NEMF: variants seen among roughly 807,000 people sequenced by gnomAD.
NEMF encodes nuclear export mediator factor.
In NEMF, 89 loss-of-function variants were observed where a neutral mutation model predicts 162.2. The observed-to-expected ratio is 0.55, with a 90% CI of 0.46 to 0.65. The LOEUF is 0.65. NEMF is among the 30% of genes least tolerant of loss of function. The pLI is 0.00. For synonymous variants in NEMF, 421 were observed against 404.5 expected (o/e 1.04, Z -0.49); for missense variants, 1,133 against 1,261.9 (o/e 0.90, Z 1.55).
intron 16 of NEMF, among the ~76,000 whole-genome samples, chr14:49,824,584 T>C (rs1316223516): frequency 2.0e-5 from 3 of 148,896 alleles, no homozygotes; most frequent in Non-Finnish European, 4.4e-5. Context: ...TATATTTTCA[T>C]AGAATTCTAT....
intron 25 of NEMF, among the ~76,000 whole-genome samples, chr14:49,798,917 A>C (rs1487489314): frequency 1.3e-5 from 2 of 151,750 alleles, no homozygotes; most frequent in East Asian, 1.9e-4. Flanking sequence ...AAAAAAAAAG[A>C]AAATGTTAAG....
chr14:49,803,532 T>C (rs957240337), intron 19 of NEMF, among the ~76,000 whole-genome samples: 2 of 151,494 alleles, frequency 1.3e-5, no homozygotes, highest in East Asian at 1.9e-4. Flanking sequence ...TTCTTTCTTT[T>C]TTTTTTTTTT....
chr14:49,824,500 C>A (rs959717042), intron 16 of NEMF, among the ~76,000 whole-genome samples: 1 of 142,236 alleles, frequency 7.0e-6, no homozygotes, highest in South Asian at 2.3e-4. Context: ...CCAAAGACTG[C>A]GCCACTGCAC....
chr14:49,796,091 A>G (rs1040339493), intron 25 of NEMF, 147 bp from the exon 26 acceptor site: 4 of 636,970 alleles, frequency 6.3e-6, no homozygotes, highest in Non-Finnish European at 1.1e-5. Flanking sequence ...AGAAAATACA[A>G]AGATGCTTAA....
intron 16 of NEMF, among the ~76,000 whole-genome samples, chr14:49,821,784 A>G (rs1259956333): frequency 3.3e-5 from 5 of 149,870 alleles, no homozygotes; most frequent in East Asian, 2.0e-4. Context: ...CCCTCTGCCC[A>G]GCCACCACCC....
chr14:49,805,842 C>G (rs1425673381), intron 19 of NEMF, among the ~76,000 whole-genome samples, 179 bp downstream of exon 19: 4 of 152,106 alleles, frequency 2.6e-5, no homozygotes, highest in Admixed American at 2.0e-4. Context: ...CTATCCCCTT[C>G]CATGCTTTTA....
intron 6 of NEMF, among the ~76,000 whole-genome samples, chr14:49,837,559 C>A (rs1892965444): frequency 6.6e-6 from 1 of 151,900 alleles, no homozygotes; most frequent in African/African-American, 2.4e-5. Context: ...CTTAAACATA[C>A]AAATTTTACA....
intron 7 of NEMF, 42 bp downstream of exon 7, chr14:49,834,320 TA>T (rs745963448): frequency 7.5e-5 from 104 of 1,394,012 alleles, no homozygotes; most frequent in African/African-American, 1.2e-4. Flanking sequence ...TTTCATAGTT[TA>T]AAAAAAATGA....
At position 49,814,751 on chromosome 14, in the gene NEMF, T is replaced by A; in HGVS notation, c.1681+3A>T. 3 of 1,536,314 alleles carry A rather than the reference T, an allele frequency of 2.0e-6. No individual in the cohort carries two copies. Among genetic ancestry groups the A allele is most frequent in the Non-Finnish European group, 2.6e-6 (3 of 1,135,324 alleles). ...AATTTTTCCGAATTTTAATCTTACC[T>A]ACCTGGTGTCAAGTATCTTTTCACA... On this transcript the variant is annotated splice_donor_region_variant and intron_variant, in intron 17 of 32. Coordinates refer to ENST00000298310, the MANE Select transcript of NEMF (RefSeq NM_004713.6).
chr14:49,820,396 G>A (rs925611656), intron 16 of NEMF: 2 of 456,426 alleles, frequency 4.4e-6, no homozygotes, highest in Admixed American at 2.4e-5. Context: ...CAGCACTTAC[G>A]CGTTGTCCTC....
chr14:49,848,495 A>G (rs1893619440), intron 3 of NEMF, among the ~76,000 whole-genome samples: 1 of 152,192 alleles, frequency 6.6e-6, no homozygotes, highest in Non-Finnish European at 1.5e-5. Flanking sequence ...ATTTTTTAAT[A>G]TAAAAGACCC....
chr14:49,801,535 T>C (rs961008430), intron 22 of NEMF: 5 of 151,594 alleles, frequency 3.3e-5, no homozygotes, highest in Non-Finnish European at 5.9e-5. Context: ...CTTTATACAG[T>C]CCCAGGGAAA....
At chr14:49,835,243 T>C (rs1481538134) in intron 6 of NEMF, among the ~76,000 whole-genome samples, 1 of 150,912 alleles carries the variant, frequency 6.6e-6, no homozygotes, top group Non-Finnish European at 1.5e-5. Context: ...AAATGACAAT[T>C]CTAGTCCTTA....
At chr14:49,785,875 C>CA (rs1329141331) in intron 29 of NEMF, 4 of 109,494 alleles carry the variant, frequency 3.7e-5, no homozygotes, top group African/African-American at 1.5e-4. Flanking sequence ...GCCTGGGTGA[C>CA]AGAGACCCTG....
At position 49,851,660 on chromosome 14, in the gene NEMF, T is replaced by G; in HGVS notation, c.134A>C (p.Asp45Ala). 1 of 1,613,498 alleles carries G rather than the reference T, an allele frequency of 6.2e-7. No homozygotes were observed. The highest frequency in any genetic ancestry group is 8.5e-7 in the Non-Finnish European group (1 of 1,179,536). ...KTYLIRLQKP[D>A]FKATLLLESG... ...TTCAAGTAAAAGTGTAGCTTTAAAG[T>G]CCGGTCTGTAGAAGAAAAAAGTCGA... Residue 45 changes from aspartate (D) to alanine (A), a missense_variant, in exon 3 of 33, where the codon GAC becomes GCC. Physicochemically the swap from Asp to Ala is moderately radical, Grantham distance 126. Coordinates refer to ENST00000298310, the MANE Select transcript of NEMF (RefSeq NM_004713.6).
chr14:49,803,038 C>T (rs1891027366), intron 20 of NEMF, among the ~76,000 whole-genome samples, 199 bp downstream of exon 20: 1 of 152,128 alleles, frequency 6.6e-6, no homozygotes, highest in African/African-American at 2.4e-5. Flanking sequence ...GCACTGCCCT[C>T]AATAAAAATA....
At position 49,784,952 on chromosome 14, in the gene NEMF, T is replaced by C. The variant is rs73283660; in HGVS notation, c.3126A>G (p.Arg1042=). The part of the protein sequence containing the change: ...SFMHSKEATA[R]EKDLFRSVKD... ...TTACGCTGCGGAATAAGTCTTTTTCTCTTGCTGTTGCTTCTTTGGAATGCA... is the reference window on the plus strand; with the variant it reads ...TTACGCTGCGGAATAAGTCTTTTTCCCTTGCTGTTGCTTCTTTGGAATGCA... The change falls in exon 32 of 33, where the codon AGA becomes AGG. Residue 1042 remains arginine, a synonymous_variant. Transcript: ENST00000298310. 1.2e-3 allele frequency: 2,017 copies of C among 1,613,902 alleles called. 33 individuals carry two copies. In the African/African-American group the frequency reaches 0.023, roughly 18 times the overall value.
intron 23 of NEMF, among the ~76,000 whole-genome samples, chr14:49,800,155 T>C (rs1361060168): frequency 1.3e-5 from 2 of 152,212 alleles, no homozygotes; most frequent in African/African-American, 4.8e-5. Context: ...ATTTCTTTGA[T>C]GGAATTGCCT....
chr14:49,829,914 T>C (rs1594783978), intron 11 of NEMF, among the ~76,000 whole-genome samples: 1 of 152,206 alleles, frequency 6.6e-6, no homozygotes, highest in Non-Finnish European at 1.5e-5. Flanking sequence ...AGGGAATGAA[T>C]TCCCAAAGAG....
Sources: allele counts gnomAD v4.1 joint callset (sites outside exome capture counted in the v4.1 genomes callset), GRCh38; gene constraint gnomAD v4.1.1; transcripts MANE v1.5; gene names NCBI Gene and HGNC (gene_info 2026-07-23, HGNC 2026-07-21).